Variants in ZNF469 observed in about 807,000 individuals in gnomAD.
ZNF469 encodes zinc finger protein 469.
Under a neutral mutation model 1.0 loss-of-function variants are expected in ZNF469, and 1 was observed. The observed-to-expected ratio is 1.00, with a 90% CI of 0.35 to 4.73. The LOEUF is 4.73. Among genes scored for constraint, ZNF469 ranks in the 30% most tolerant of loss-of-function variants. The probability of loss-of-function intolerance (pLI) is 0.16; values close to 1 mark genes in which losing one functional copy is unlikely to be tolerated. For missense variants in ZNF469, 6,100 were observed against 5,356.3 expected (o/e 1.14, Z -4.33); for synonymous variants, 2,703 against 2,363.4 (o/e 1.14, Z -4.17).
At chr16:88,287,931 G>A in the ZNF469 span, among the ~76,000 whole-genome samples, 1 of 151,852 alleles carries the variant, frequency 6.6e-6, no homozygotes, top group Non-Finnish European at 1.5e-5. Flanking sequence ...TGAGATTTTT[G>A]TCGGTTGGTT....
the ZNF469 span, among the ~76,000 whole-genome samples, chr16:88,274,785 C>T: frequency 2.0e-5 from 3 of 152,244 alleles, no homozygotes; most frequent in African/African-American, 4.8e-5. Flanking sequence ...ATGGAGGACT[C>T]GCCGTATTGC....
At chr16:88,115,491 C>G in the ZNF469 span, among the ~76,000 whole-genome samples, 1 of 151,968 alleles carries the variant, frequency 6.6e-6, no homozygotes, top group African/African-American at 2.4e-5. Flanking sequence ...CGCTTTCCCT[C>G]CTGAGTTGAC....
the ZNF469 span, among the ~76,000 whole-genome samples, chr16:88,110,881 G>T: frequency 5.3e-5 from 8 of 152,332 alleles, no homozygotes; most frequent in Admixed American, 5.2e-4. Flanking sequence ...GTCTGCAGCC[G>T]GGCTCTGTGG....
the ZNF469 span, among the ~76,000 whole-genome samples, chr16:88,159,580 C>T: frequency 3.9e-5 from 6 of 152,260 alleles, no homozygotes; most frequent in East Asian, 1.9e-4. Flanking sequence ...AGCCCTTCCC[C>T]GCATTCTCGT....
the ZNF469 span, among the ~76,000 whole-genome samples, chr16:88,208,002 A>G: frequency 6.6e-6 from 1 of 152,318 alleles, no homozygotes; most frequent in Non-Finnish European, 1.5e-5. Context: ...GAATGTATAA[A>G]TGTCCTGTAC....
chr16:88,239,658 TTTTTTTTTGTATATATATATA>T, the ZNF469 span, among the ~76,000 whole-genome samples: 1 of 114,182 alleles, frequency 8.8e-6, no homozygotes, highest in African/African-American at 3.4e-5. Context: ...CGGCTTATTT[TTTTTTTTTGTATATATATATA>T]TATATATATA....
chr16:88,107,834 C>T, the ZNF469 span, among the ~76,000 whole-genome samples: 5 of 152,232 alleles, frequency 3.3e-5, no homozygotes, highest in Non-Finnish European at 7.3e-5. Context: ...TAGCCCTTGG[C>T]TTTGTCCCCA....
At position 88,435,857 on chromosome 16, in the gene ZNF469, C is replaced by T. The variant is rs886052412; in HGVS notation, c.8387C>T (p.Pro2796Leu). The T allele has an allele frequency of 1.3e-6, 2 of 1,550,338 alleles. No homozygotes were observed. The highest frequency in any genetic ancestry group is 1.7e-6 in the Non-Finnish European group (2 of 1,146,968). The change falls in exon 3 of 3, where the codon CCC becomes CTC. Residue 2796 changes from proline (P) to leucine (L), a missense_variant. By Grantham distance (98) the Pro-to-Leu change is moderately conservative (BLOSUM62 -3). Coordinates refer to ENST00000565624, the MANE Select transcript of ZNF469 (RefSeq NM_001367624.2). ...EEGVWEENTP[P>L]LGPLGFPETS... is the part of the protein sequence containing the mutation. ...GGTGTCTGGGAGGAGAACACGCCCC[C>T]CTTGGGCCCCCTGGGTTTTCCCGAG...
At chr16:88,305,352 A>G in the ZNF469 span, among the ~76,000 whole-genome samples, 1 of 150,108 alleles carries the variant, frequency 6.7e-6, no homozygotes, top group Non-Finnish European at 1.5e-5. Flanking sequence ...ACACACATGC[A>G]CACACATGCT....
Position 88,427,745 on chromosome 16 carries a change from GC to G in ZNF469, c.280del (p.Gln94ArgfsTer252). 1.9e-6 allele frequency: 3 copies of G among 1,541,266 alleles called. No homozygotes were observed. On this transcript the variant is annotated frameshift_variant, in exon 3 of 3. Coordinates refer to ENST00000565624, the MANE Select transcript of ZNF469 (RefSeq NM_001367624.2). LOFTEE classifies it low-confidence loss of function (END_TRUNC). ...AGCAGCACCCCTGGGAAGAGGGGCA[GC>G]CCCCAGACCCCACCGGGGAGAAGCC... The part of the protein sequence containing the change: ...APSSTPGKRG[S>X]PQTPPGRSPL...
At chr16:88,229,777 A>T in the ZNF469 span, among the ~76,000 whole-genome samples, 1 of 151,990 alleles carries the variant, frequency 6.6e-6, no homozygotes, top group Non-Finnish European at 1.5e-5. Context: ...ACTGCTTCCC[A>T]CAACAATGGT....
the ZNF469 span, among the ~76,000 whole-genome samples, chr16:88,249,643 A>G: frequency 7.3e-5 from 11 of 151,478 alleles, no homozygotes; most frequent in Admixed American, 3.3e-4. Context: ...TCACCGTGTT[A>G]GCCAGGATGG....
chr16:88,328,893 C>T, the ZNF469 span, among the ~76,000 whole-genome samples: 10 of 151,892 alleles, frequency 6.6e-5, no homozygotes, highest in African/African-American at 1.7e-4. Flanking sequence ...CAGAGGAGGC[C>T]GAGGAGGAAG....
At chr16:88,236,689 A>G in the ZNF469 span, among the ~76,000 whole-genome samples, 46 of 152,168 alleles carry the variant, frequency 3.0e-4, no homozygotes, top group Non-Finnish European at 6.2e-4. Context: ...CAACATGGCA[A>G]AACCCCATCT....
the ZNF469 span, among the ~76,000 whole-genome samples, chr16:88,115,913 G>A: frequency 3.9e-5 from 6 of 152,156 alleles, no homozygotes; most frequent in Non-Finnish European, 8.8e-5. Context: ...TGGTCTCTTC[G>A]TCTTTGGGGG....
At chr16:88,273,386 T>C in the ZNF469 span, among the ~76,000 whole-genome samples, 2 of 151,826 alleles carry the variant, frequency 1.3e-5, no homozygotes, top group African/African-American at 4.8e-5. Context: ...GTCGTGCACA[T>C]GAAAAGACGC....
chr16:88,378,834 CAG>C (rs1318244596), upstream of ZNF469, among the ~76,000 whole-genome samples: 9 of 152,216 alleles, frequency 5.9e-5, no homozygotes, highest in Admixed American at 2.0e-4. Flanking sequence ...TGAAAACTCC[CAG>C]AGTGTTTAAA....
chr16:88,231,917 G>A, the ZNF469 span, among the ~76,000 whole-genome samples: 1 of 152,208 alleles, frequency 6.6e-6, no homozygotes, highest in Non-Finnish European at 1.5e-5. This position sits in a 1 kb window ranked among gnomAD's most constrained non-coding sequence, Gnocchi z 4.5. Context: ...GTCTGAAGGT[G>A]CCCGTGATGG....
chr16:88,380,793 C>T (rs1404114511), upstream of ZNF469, among the ~76,000 whole-genome samples: 2 of 90,026 alleles, frequency 2.2e-5, no homozygotes. Context: ...CACACACATG[C>T]ACTCACACAT....
Sources: allele counts gnomAD v4.1 joint callset (sites outside exome capture counted in the v4.1 genomes callset), GRCh38; gene constraint gnomAD v4.1.1; non-coding constraint Gnocchi (gnomAD v3.1); transcripts MANE v1.5; gene names NCBI Gene and HGNC (gene_info 2026-07-23, HGNC 2026-07-21).